The following SLC45A4 variants were observed in gnomAD, a reference collection of about 807,000 sequenced individuals.
SLC45A4 encodes the protein polyamine-transporter SLC45A4.
In SLC45A4, 32 loss-of-function variants were observed where a neutral mutation model predicts 63.7. The observed-to-expected ratio is 0.50, with a 90% CI of 0.38 to 0.67. The LOEUF is 0.67. Ranked by LOEUF, SLC45A4 falls within the 30% of genes least tolerant of loss-of-function variation. SLC45A4 has a pLI of 0.00. For synonymous variants in SLC45A4, 535 were observed against 510.0 expected (o/e 1.05, Z -0.66); for missense variants, 1,027 against 1,157.7 (o/e 0.89, Z 1.64).
intron 1 of SLC45A4, among the ~76,000 whole-genome samples, chr8:141,279,492 G>C (rs546871589): frequency 2.6e-4 from 40 of 152,336 alleles, no homozygotes; most frequent in Admixed American, 1.7e-3. Context: ...TACGTTGCAA[G>C]TCTTTGATGA....
intron 1 of SLC45A4, among the ~76,000 whole-genome samples, chr8:141,297,794 C>A (rs1830613902): frequency 6.6e-6 from 1 of 152,174 alleles, no homozygotes; most frequent in Non-Finnish European, 1.5e-5. Flanking sequence ...GGCTAGTTCA[C>A]TTGTTGAAAA....
intron 2 of SLC45A4, among the ~76,000 whole-genome samples, chr8:141,246,477 T>A (rs1266136009): frequency 6.5e-5 from 1 of 15,484 alleles, no homozygotes; most frequent in Non-Finnish European, 1.7e-4. Flanking sequence ...AGAAGGCAGC[T>A]TGATTCATCA....
At chr8:141,268,112 A>C (rs1422737330) in intron 1 of SLC45A4, among the ~76,000 whole-genome samples, 2 of 152,210 alleles carry the variant, frequency 1.3e-5, no homozygotes, top group Non-Finnish European at 2.9e-5. Context: ...CAGATGATGG[A>C]ATGTCATTCA....
chr8:141,212,683 C>T, intron 7 of SLC45A4, 127 bp from the exon 8 acceptor site: 2 of 1,159,176 alleles, frequency 1.7e-6, no homozygotes, highest in Non-Finnish European at 2.4e-6. Context: ...CTCTTGGCAA[C>T]CACTCCTGCC....
chr8:141,300,373 C>A (rs1193456462), intron 1 of SLC45A4, among the ~76,000 whole-genome samples: 1 of 152,210 alleles, frequency 6.6e-6, no homozygotes, highest in East Asian at 1.9e-4. Flanking sequence ...TTTTTGGTTA[C>A]TAAACTGATT....
rs540629972 is a variant in SLC45A4 at position 141,239,035 on chromosome 8, G to A, written c.241+14954C>T. 2.6e-5 allele frequency among the ~76,000 whole-genome samples: 4 copies of A among 152,340 alleles called. No individual in the cohort carries two copies. The East Asian group carries it at 7.7e-4, about 29-fold the overall frequency. ...ACCATCAGACCAGAAGCATGATGGAGAAAATTAACCACCCGGCTGCTGTGA... is the reference window on the plus strand; with the variant it reads ...ACCATCAGACCAGAAGCATGATGGAAAAAATTAACCACCCGGCTGCTGTGA... On this transcript the variant is annotated intron_variant, in intron 2 of 8. Coordinates refer to ENST00000517878, the MANE Select transcript of SLC45A4 (RefSeq NM_001286646.2).
chr8:141,271,385 C>G (rs1206113899), intron 1 of SLC45A4, among the ~76,000 whole-genome samples: 1 of 152,244 alleles, frequency 6.6e-6, no homozygotes, highest in Non-Finnish European at 1.5e-5. Context: ...CTCAGACTTG[C>G]CAACAGCTGT....
At chr8:141,307,894 G>A (rs1830950236) in intron 1 of SLC45A4, among the ~76,000 whole-genome samples, 1 of 150,940 alleles carries the variant, frequency 6.6e-6, no homozygotes, top group Non-Finnish European at 1.5e-5. Flanking sequence ...AGGAATTGGG[G>A]GGCCCTGAGG....
chr8:141,244,959 G>GGT (rs1828101762), intron 2 of SLC45A4, among the ~76,000 whole-genome samples: 1 of 89,376 alleles, frequency 1.1e-5, no homozygotes, highest in East Asian at 6.1e-4. Flanking sequence ...GACGTGGGTG[G>GGT]GGGGGGGGGG....
chr8:141,254,199 C>A lies in SLC45A4; in HGVS notation c.31G>T (p.Glu11Ter). Residue 11 changes from glutamate (E) to a stop codon, truncating the protein, a stop_gained, in exon 2 of 9, where the codon GAA (glutamate) becomes TAA (stop). Transcript: ENST00000517878. LOFTEE classifies it high-confidence loss of function. This position sits in a 1 kb window ranked among gnomAD's most constrained non-coding sequence, Gnocchi z 4.5. ...GATAACTCTTGAACTTGCATAGATT[C>A]CGGGTCGGCATTCTGCGGAGCCATT... is the stretch of plus-strand genomic sequence containing the variant. MKMAPQNADPESMQVQELSVP... is the reference protein window; with the variant it reads MKMAPQNADP 2 of 1,535,236 alleles carry A rather than the reference C, an allele frequency of 1.3e-6. No homozygotes were observed. Among genetic ancestry groups the A allele is most frequent in the Non-Finnish European group, 1.7e-6 (2 of 1,146,192 alleles).
intron 1 of SLC45A4, among the ~76,000 whole-genome samples, chr8:141,288,500 C>T (rs1830234639): frequency 6.6e-6 from 1 of 152,328 alleles, no homozygotes; most frequent in East Asian, 1.9e-4. Flanking sequence ...CTGGTTGGAC[C>T]GCTCATGAGA....
chr8:141,295,135 G>C (rs1405349006), intron 1 of SLC45A4, among the ~76,000 whole-genome samples: 1 of 152,236 alleles, frequency 6.6e-6, no homozygotes. Flanking sequence ...AGGAAGCAGC[G>C]CTGTGTGGTC....
intron 1 of SLC45A4, among the ~76,000 whole-genome samples, chr8:141,258,744 AG>A (rs1372663292): frequency 6.6e-6 from 1 of 152,152 alleles, no homozygotes; most frequent in Non-Finnish European, 1.5e-5. Context: ...TTTTTTAATT[AG>A]CCAGATGTGA....
intron 2 of SLC45A4, among the ~76,000 whole-genome samples, chr8:141,249,395 G>C (rs991721645): frequency 6.6e-6 from 1 of 152,212 alleles, no homozygotes; most frequent in African/African-American, 2.4e-5. Context: ...GCACAGAAAA[G>C]GAGCAAAGAA....
At chr8:141,295,213 G>A (rs1006642276) in intron 1 of SLC45A4, among the ~76,000 whole-genome samples, 2 of 152,192 alleles carry the variant, frequency 1.3e-5, no homozygotes, top group Non-Finnish European at 2.9e-5. Context: ...TGAAGGGAAA[G>A]CAGGAGGGAA....
intron 2 of SLC45A4, among the ~76,000 whole-genome samples, chr8:141,253,668 G>A (rs1828630173): frequency 6.6e-6 from 1 of 152,218 alleles, no homozygotes; most frequent in African/African-American, 2.4e-5. Context: ...GTTCACTGTG[G>A]CCTGGCAGGG....
intron 1 of SLC45A4, among the ~76,000 whole-genome samples, chr8:141,286,379 C>T (rs1480364908): frequency 6.6e-6 from 1 of 152,178 alleles, no homozygotes; most frequent in Admixed American, 6.5e-5. Context: ...GGTGGCCTCA[C>T]ATGCGCGGTT....
chr8:141,227,395 C>CTTGCA lies in SLC45A4; in HGVS notation c.242-5635_242-5631dup, dbSNP rs1282494292. On this transcript the variant is annotated intron_variant, in intron 2 of 8. Transcript: ENST00000517878. The surrounding 1 kb of genome is among the most constrained non-coding windows in gnomAD (Gnocchi z 4.4). ...AAAAGATCCGCAATGGGAACAGGAACTTGCATTCTTTCTTTCAATGGACAA... is the reference window on the plus strand; with the variant it reads ...AAAAGATCCGCAATGGGAACAGGAACTTGCATTGCATTCTTTCTTTCAATGGACAA... Among the ~76,000 whole-genome samples the CTTGCA allele has an allele frequency of 6.6e-6, 1 of 152,190 alleles. No homozygotes were observed. The highest frequency in any genetic ancestry group is 1.5e-5 in the Non-Finnish European group (1 of 68,040).
intron 1 of SLC45A4, among the ~76,000 whole-genome samples, chr8:141,286,667 G>A (rs1316218674): frequency 1.3e-5 from 2 of 151,644 alleles, no homozygotes; most frequent in South Asian, 4.2e-4. Flanking sequence ...TCAGCCAGGA[G>A]CCCCAGGAAT....
Sources: allele counts gnomAD v4.1 joint callset (sites outside exome capture counted in the v4.1 genomes callset), GRCh38; gene constraint gnomAD v4.1.1; non-coding constraint Gnocchi (gnomAD v3.1); transcripts MANE v1.5; gene names NCBI Gene and HGNC (gene_info 2026-07-23, HGNC 2026-07-21).